The following DLC1 variants were observed in gnomAD, a reference collection of about 807,000 sequenced individuals.
DLC1 encodes DLC1 Rho GTPase activating protein, also known as rho GTPase-activating protein 7.
A neutral mutation model predicts 140.3 loss-of-function variants in DLC1; 54 were observed. That is an observed-to-expected ratio of 0.38 (90% confidence interval 0.31 to 0.48). The LOEUF (loss-of-function observed/expected upper bound fraction) is 0.48, where lower values mean the gene tolerates loss of function less well. Ranked by LOEUF, DLC1 falls within the 20% of genes least tolerant of loss-of-function variation. The pLI, the probability that DLC1 is intolerant of heterozygous loss-of-function variation, is 0.96. For synonymous variants in DLC1, 986 were observed against 728.1 expected, an observed-to-expected ratio of 1.35 and a Z score of -5.70; for missense variants, 2,536 against 1,907.0, an observed-to-expected ratio of 1.33 and a Z score of -6.14.
At chr8:13,486,185 A>G (rs1800959190) in intron 2 of DLC1, among the ~76,000 whole-genome samples, 1 of 152,222 alleles carries the variant, frequency 6.6e-6, no homozygotes, top group Non-Finnish European at 1.5e-5. Flanking sequence ...ATGAAAATTC[A>G]TGCCTTAGGA....
intron 1 of DLC1, among the ~76,000 whole-genome samples, chr8:13,563,792 A>C (rs1458467946): frequency 6.6e-6 from 1 of 152,214 alleles, no homozygotes; most frequent in African/African-American, 2.4e-5. Context: ...AAAACTAGAA[A>C]TACCTTGCAT....
intron 2 of DLC1, among the ~76,000 whole-genome samples, chr8:13,478,729 A>T (rs1800550509): frequency 6.6e-6 from 1 of 152,214 alleles, no homozygotes. Flanking sequence ...ATAATGTTCA[A>T]ATATCTCCCA....
At chr8:13,547,879 TC>T (rs34793107) in intron 1 of DLC1, among the ~76,000 whole-genome samples, 42,477 of 113,522 alleles carry the variant, frequency 0.37, 6,181 homozygotes, top group Admixed American at 0.43. Context: ...TTCACGCGTT[TC>T]CTTTCTTGGA....
At position 13,099,443 on chromosome 8, in the gene DLC1, T is replaced by C. The variant is rs1563589837; in HGVS notation, c.2894A>G (p.Asp965Gly). The C allele has an allele frequency of 1.2e-6, 2 of 1,614,134 alleles. No individual in the cohort carries two copies. The highest frequency in any genetic ancestry group is 8.5e-7 in the Non-Finnish European group (1 of 1,180,024). Residue 965 changes from aspartate (D) to glycine (G), a missense_variant, in exon 9 of 18, where the codon GAC becomes GGC. Asp to Gly is a moderately conservative substitution (Grantham distance 94). Coordinates refer to ENST00000276297, the MANE Select transcript of DLC1 (RefSeq NM_182643.3). ...TTCATTCAGGGAGTTGCCTGTGCTG[T>C]CCAGGTCGCTGGGTGTGGTTCGGTC... is the stretch of plus-strand genomic sequence containing the variant. ...DNDRTTPSDL[D>G]STGNSLNEPE...
intron 3 of DLC1, among the ~76,000 whole-genome samples, chr8:13,396,828 T>G (rs1837064778): frequency 6.6e-6 from 1 of 152,162 alleles, no homozygotes; most frequent in South Asian, 2.1e-4. Flanking sequence ...TCTCCCAAAA[T>G]CTCTCACATC....
At chr8:13,247,360 A>T (rs1250144733) in intron 5 of DLC1, among the ~76,000 whole-genome samples, 1 of 152,194 alleles carries the variant, frequency 6.6e-6, no homozygotes, top group Non-Finnish European at 1.5e-5. Flanking sequence ...AGAAGACACA[A>T]TACCTTTCAA....
At chr8:13,129,568 C>G (rs974491657) in intron 5 of DLC1, among the ~76,000 whole-genome samples, 2 of 152,242 alleles carry the variant, frequency 1.3e-5, no homozygotes, top group African/African-American at 4.8e-5. Context: ...AGAGATACAA[C>G]TGTCTAGACA....
chr8:13,102,699 T>A, intron 8 of DLC1, 91 bp downstream of exon 8: 1 of 1,142,242 alleles, frequency 8.8e-7, no homozygotes. Context: ...AAACTAAGAG[T>A]TGGAGAAACA....
intron 1 of DLC1, among the ~76,000 whole-genome samples, chr8:13,581,358 C>G (rs1026335416): frequency 2.0e-5 from 3 of 152,180 alleles, no homozygotes; most frequent in African/African-American, 7.2e-5. Context: ...CTGTCCCAAA[C>G]AAAACTCTTG....
At chr8:13,562,312 A>G (rs1445104869) in intron 1 of DLC1, among the ~76,000 whole-genome samples, 1 of 152,182 alleles carries the variant, frequency 6.6e-6, no homozygotes, top group Non-Finnish European at 1.5e-5. Context: ...GCTATTTGGA[A>G]CCAAGTCACA....
intron 2 of DLC1, among the ~76,000 whole-genome samples, chr8:13,474,093 C>A (rs530370834): frequency 6.6e-6 from 1 of 152,302 alleles, no homozygotes; most frequent in African/African-American, 2.4e-5. Flanking sequence ...CCCCTCCCAT[C>A]AATGGCCCAG....
intron 1 of DLC1, among the ~76,000 whole-genome samples, chr8:13,540,390 T>C (rs1241347648): frequency 6.6e-6 from 1 of 152,200 alleles, no homozygotes; most frequent in Non-Finnish European, 1.5e-5. Context: ...TAATCCTTCT[T>C]AATGGATTAT....
chr8:13,506,618 T>TATATATATATACATATAC (rs1563407743), intron 1 of DLC1, among the ~76,000 whole-genome samples: 1 of 146,470 alleles, frequency 6.8e-6, no homozygotes, highest in East Asian at 2.2e-4. Context: ...TACACATATA[T>TATATATATATACATATAC]ATACACACAG....
chr8:13,444,317 G>A (rs927312018), intron 2 of DLC1, among the ~76,000 whole-genome samples: 3 of 152,146 alleles, frequency 2.0e-5, no homozygotes, highest in South Asian at 2.1e-4. Context: ...CGGGTTGGGG[G>A]AGGGATAGCA....
chr8:13,154,727 A>T (rs936321858), intron 5 of DLC1, among the ~76,000 whole-genome samples: 13 of 151,584 alleles, frequency 8.6e-5, no homozygotes, highest in Admixed American at 4.6e-4. Flanking sequence ...AGAGCGAGCG[A>T]GGGCTGCTAG....
At chr8:13,331,092 C>A (rs574219070) in intron 4 of DLC1, among the ~76,000 whole-genome samples, 2 of 152,170 alleles carry the variant, frequency 1.3e-5, no homozygotes, top group Non-Finnish European at 1.5e-5. Context: ...TCCTCTGGTT[C>A]CTTTGGGTGG....
chr8:13,603,903 A>C (rs1008302027), intron 1 of DLC1, among the ~76,000 whole-genome samples: 1 of 152,110 alleles, frequency 6.6e-6, no homozygotes, highest in South Asian at 2.1e-4. Flanking sequence ...GCTTGGTAAT[A>C]TATTTCTCTT....
At chr8:13,293,511 T>C (rs1831839708) in intron 5 of DLC1, among the ~76,000 whole-genome samples, 1 of 152,148 alleles carries the variant, frequency 6.6e-6, no homozygotes. Flanking sequence ...CCTGTATGAG[T>C]TGTTTCATCT....
intron 5 of DLC1, among the ~76,000 whole-genome samples, chr8:13,232,297 A>G (rs926161086): frequency 6.6e-6 from 1 of 151,882 alleles, no homozygotes; most frequent in Admixed American, 6.6e-5. Flanking sequence ...ATATTGAAGC[A>G]TTTTGACTTC....
Sources: allele counts gnomAD v4.1 joint callset (sites outside exome capture counted in the v4.1 genomes callset), GRCh38; gene constraint gnomAD v4.1.1; transcripts MANE v1.5; gene names NCBI Gene and HGNC (gene_info 2026-07-23, HGNC 2026-07-21).